The following CDH10 variants were observed in gnomAD, a reference collection of about 807,000 sequenced individuals.
The protein encoded by CDH10 is cadherin 10.
CDH10 carries 30 observed loss-of-function variants against 73.1 expected under a neutral mutation model. The observed-to-expected ratio is 0.41, with a 90% CI of 0.31 to 0.56. The LOEUF (loss-of-function observed/expected upper bound fraction) is 0.56. CDH10 is among the 20% of genes least tolerant of loss of function. CDH10 has a pLI of 0.27. For synonymous variants in CDH10, 345 were observed against 348.2 expected (o/e 0.99, Z 0.10); for missense variants, 815 against 973.7 (o/e 0.84, Z 2.17).
intron 2 of CDH10, chr5:24,578,452 G>C: frequency 2.8e-6 from 1 of 353,954 alleles, no homozygotes. Context: ...AAGAGTAATA[G>C]TCTGGTTTAA....
At chr5:24,525,208 CT>C (rs1299865391) in intron 5 of CDH10, among the ~76,000 whole-genome samples, 1 of 151,918 alleles carries the variant, frequency 6.6e-6, no homozygotes, top group East Asian at 1.9e-4. Context: ...GCTGCTGTTT[CT>C]TTTTGTTGAT....
At chr5:24,573,086 A>G (rs1745455440) in intron 2 of CDH10, among the ~76,000 whole-genome samples, 1 of 151,920 alleles carries the variant, frequency 6.6e-6, no homozygotes, top group African/African-American at 2.4e-5. Flanking sequence ...TTATCTAACA[A>G]GACTCCAAAT....
rs538327791 is a variant in CDH10, at chr5:24,522,174, A to C, written c.815-10660T>G. Among the ~76,000 whole-genome samples, 190 of 147,370 alleles carry C rather than the reference A, an allele frequency of 1.3e-3. 1 individual carries two copies. The highest frequency in any genetic ancestry group is 4.2e-3 in the African/African-American group (166 of 39,884). On this transcript the variant is annotated intron_variant, in intron 5 of 11. Transcript: ENST00000264463. The stretch of plus-strand genomic sequence containing the variant: ...CAAACAAAACAAACAAACAAACAAA[A>C]AAAACTAATATGTAATTGTGAGTGT...
chr5:24,625,430 T>C (rs577899758), intron 1 of CDH10, among the ~76,000 whole-genome samples: 120 of 151,916 alleles, frequency 7.9e-4, no homozygotes, highest in Non-Finnish European at 1.5e-3. Flanking sequence ...ATGACCATTA[T>C]AGCAATGTGA....
intron 2 of CDH10, among the ~76,000 whole-genome samples, chr5:24,587,909 T>C (rs1746077063): frequency 6.6e-6 from 1 of 152,144 alleles, no homozygotes; most frequent in African/African-American, 2.4e-5. Flanking sequence ...AATATTATTG[T>C]ATTGAGAGAT....
Position 24,487,527 on chromosome 5 carries a change from G to T in CDH10, c.*136C>A. 2.7e-6 allele frequency: 2 copies of T among 754,586 alleles called. No homozygotes were observed. The highest frequency in any genetic ancestry group is 4.4e-6 in the Non-Finnish European group (2 of 450,664). The allele number at this position is 754,586 out of a possible 1,614,324, so 46.7% of individuals were successfully genotyped here. A position where few individuals can be genotyped will look rare whatever the true frequency, so the allele number is the denominator to read the frequency against. On this transcript the variant is annotated 3_prime_UTR_variant, in exon 12 of 12. Coordinates refer to ENST00000264463, the MANE Select transcript of CDH10 (RefSeq NM_006727.5). ...ACAGGAAAGAATTAATGTAATTAATGAACAAATTAAGAAGTAAATGAGAAA... is the reference window on the plus strand; with the variant it reads ...ACAGGAAAGAATTAATGTAATTAATTAACAAATTAAGAAGTAAATGAGAAA...
intron 8 of CDH10, among the ~76,000 whole-genome samples, chr5:24,500,659 A>T (rs1031223008): frequency 6.6e-6 from 1 of 152,232 alleles, no homozygotes; most frequent in East Asian, 1.9e-4. Context: ...CTAATCTCAC[A>T]GTTACTTGTA....
chr5:24,627,961 TA>T, intron 1 of CDH10, among the ~76,000 whole-genome samples: 1 of 152,224 alleles, frequency 6.6e-6, no homozygotes, highest in East Asian at 1.9e-4. Context: ...TTTTATTTTA[TA>T]GTGAGGAAAA....
chr5:24,627,244 T>G (rs1747539879), intron 1 of CDH10, among the ~76,000 whole-genome samples: 1 of 152,104 alleles, frequency 6.6e-6, no homozygotes, highest in Non-Finnish European at 1.5e-5. Flanking sequence ...AATACTAATC[T>G]TCTCACTACT....
intron 5 of CDH10, among the ~76,000 whole-genome samples, chr5:24,517,638 T>C (rs887920187): frequency 6.6e-6 from 1 of 152,174 alleles, no homozygotes; most frequent in Admixed American, 6.6e-5. Context: ...AAACAATTAA[T>C]ATTTGTGGAT....
chr5:24,517,746 A>G (rs979965173), intron 5 of CDH10, among the ~76,000 whole-genome samples: 1 of 152,144 alleles, frequency 6.6e-6, no homozygotes, highest in Non-Finnish European at 1.5e-5. Context: ...TGAAAAGCTA[A>G]AAGTTTTTTT....
At chr5:24,613,415 T>C (rs1747018352) in intron 1 of CDH10, among the ~76,000 whole-genome samples, 2 of 152,056 alleles carry the variant, frequency 1.3e-5, no homozygotes, top group African/African-American at 4.8e-5. Flanking sequence ...CGTCTTTATT[T>C]TCTATGTGTT....
chr5:24,624,798 T>C (rs1006726967), intron 1 of CDH10, among the ~76,000 whole-genome samples: 14 of 152,152 alleles, frequency 9.2e-5, no homozygotes, highest in Non-Finnish European at 1.8e-4. Flanking sequence ...ATCATTAGCT[T>C]CTATCAACCA....
At chr5:24,585,845 C>T (rs974439121) in intron 2 of CDH10, among the ~76,000 whole-genome samples, 3 of 152,174 alleles carry the variant, frequency 2.0e-5, no homozygotes, top group African/African-American at 2.4e-5. Flanking sequence ...ATCACAGGGG[C>T]GGAAGCCTAG....
chr5:24,560,667 T>C (rs1387549007), intron 2 of CDH10, among the ~76,000 whole-genome samples: 1 of 152,054 alleles, frequency 6.6e-6, no homozygotes, highest in Non-Finnish European at 1.5e-5. Flanking sequence ...TTATGTCATG[T>C]TTTCAAGGAA....
chr5:24,560,789 A>G (rs986712539), intron 2 of CDH10, among the ~76,000 whole-genome samples: 17 of 152,210 alleles, frequency 1.1e-4, no homozygotes, highest in African/African-American at 4.1e-4. Flanking sequence ...TGTATTGCTG[A>G]TAGATAGATG....
intron 2 of CDH10, among the ~76,000 whole-genome samples, chr5:24,567,918 T>A (rs1200098931): frequency 6.6e-6 from 1 of 152,114 alleles, no homozygotes; most frequent in Admixed American, 6.5e-5. Context: ...GTCAGCAGTG[T>A]TGATATAAAA....
intron 1 of CDH10, among the ~76,000 whole-genome samples, chr5:24,597,556 C>T (rs2112105617): frequency 6.6e-6 from 1 of 152,098 alleles, no homozygotes; most frequent in East Asian, 1.9e-4. Context: ...AGTTTGTTTG[C>T]TTCAAGCTAC....
chr5:24,562,968 A>G (rs1315619947), intron 2 of CDH10, among the ~76,000 whole-genome samples: 1 of 152,232 alleles, frequency 6.6e-6, no homozygotes, highest in Non-Finnish European at 1.5e-5. Context: ...TTACAAAAGG[A>G]CATTCTTACC....
Sources: allele counts gnomAD v4.1 joint callset (sites outside exome capture counted in the v4.1 genomes callset), GRCh38; gene constraint gnomAD v4.1.1; transcripts MANE v1.5; gene names NCBI Gene and HGNC (gene_info 2026-07-23, HGNC 2026-07-21).